CHD6: variants seen among roughly 807,000 people sequenced by gnomAD.
CHD6 encodes chromodomain helicase DNA binding protein 6.
Under a neutral mutation model 276.9 loss-of-function variants are expected in CHD6, and 50 were observed. The ratio of observed to expected loss-of-function variants is 0.18; its 90% CI spans 0.14 to 0.23. The LOEUF (loss-of-function observed/expected upper bound fraction) is 0.23. CHD6 is among the 10% of genes least tolerant of loss of function. The pLI is 1.00. For synonymous variants in CHD6, 1,173 were observed against 1,229.3 expected (o/e 0.95, Z 0.96); for missense variants, 2,564 against 3,365.8 (o/e 0.76, Z 5.89).
At chr20:41,581,559 C>T (rs1402738635) in intron 1 of CHD6, among the ~76,000 whole-genome samples, 1 of 151,800 alleles carries the variant, frequency 6.6e-6, no homozygotes, top group Non-Finnish European at 1.5e-5. Flanking sequence ...CCTATAGTCC[C>T]AGCTACTCAG....
chr20:41,558,261 A>G (rs1484994276), intron 1 of CHD6, among the ~76,000 whole-genome samples: 1 of 152,202 alleles, frequency 6.6e-6, no homozygotes, highest in East Asian at 1.9e-4. Context: ...AGTACCAGAA[A>G]GCAGTTTGGA....
intron 5 of CHD6, among the ~76,000 whole-genome samples, chr20:41,504,020 G>A (rs2043906400): frequency 7.4e-6 from 1 of 135,730 alleles, no homozygotes; most frequent in Non-Finnish European, 1.5e-5. Context: ...AGAGGTTGCA[G>A]TGAGCTGAGA....
chr20:41,466,219 AAC>A (rs1213168412), intron 17 of CHD6, among the ~76,000 whole-genome samples: 2 of 152,094 alleles, frequency 1.3e-5, no homozygotes, highest in Admixed American at 6.6e-5. Flanking sequence ...CAAAAACAAA[AAC>A]ACACACAGTT....
intron 2 of CHD6, among the ~76,000 whole-genome samples, chr20:41,536,681 A>AGTTT (rs2044838876): frequency 6.6e-6 from 1 of 152,224 alleles, no homozygotes; most frequent in African/African-American, 2.4e-5. Flanking sequence ...TCAGGCAACA[A>AGTTT]AAACCATTAA....
At chr20:41,578,035 G>GA (rs1192766556) in intron 1 of CHD6, among the ~76,000 whole-genome samples, 1 of 152,192 alleles carries the variant, frequency 6.6e-6, no homozygotes, top group Non-Finnish European at 1.5e-5. Flanking sequence ...CTAGGTTATA[G>GA]AAAAAATACG....
chr20:41,542,361 T>C (rs866684385), intron 2 of CHD6, among the ~76,000 whole-genome samples: 1 of 152,184 alleles, frequency 6.6e-6, no homozygotes, highest in Non-Finnish European at 1.5e-5. Flanking sequence ...CTCCTACCCC[T>C]GCCACATAAT....
chr20:41,534,880 A>G (rs2044791117), intron 2 of CHD6, among the ~76,000 whole-genome samples: 1 of 152,206 alleles, frequency 6.6e-6, no homozygotes, highest in Admixed American at 6.5e-5. Context: ...TTAATGGGAT[A>G]CAAGGCAAGA....
intron 6 of CHD6, among the ~76,000 whole-genome samples, chr20:41,498,779 GTGTA>G (rs755113036): frequency 0.063 from 9,103 of 145,414 alleles, 386 homozygotes; most frequent in Non-Finnish European, 0.092. Flanking sequence ...GTGTGTATGT[GTGTA>G]TGTATGTATG....
At position 41,533,419 on chromosome 20, in the gene CHD6, T is replaced by A; in HGVS notation, c.185A>T (p.Tyr62Phe). 1 of 1,614,196 alleles carries A rather than the reference T, an allele frequency of 6.2e-7. No individual in the cohort carries two copies. The highest frequency in any genetic ancestry group is 8.5e-7 in the Non-Finnish European group (1 of 1,180,032). The change falls in exon 3 of 37, where the codon TAT becomes TTT. Residue 62 changes from tyrosine (Y) to phenylalanine (F), a missense_variant. By Grantham distance (22) the Tyr-to-Phe change is conservative (BLOSUM62 3). This residue lies in a region of CHD6 where 286 missense variants were observed against 297.8 expected (regional missense o/e 0.96). Transcript: ENST00000373233. The part of the protein sequence containing the change: ...ASHCLPQKDL[Y>F]TAEEEAATLF... The stretch of plus-strand genomic sequence containing the variant: ...GGTAGCAGCTTCCTCTTCAGCAGTA[T>A]ACAGGTCCTTCTGAGGCAGACAGTG...
chr20:41,558,006 T>C (rs1024177943), intron 1 of CHD6, among the ~76,000 whole-genome samples: 5 of 152,218 alleles, frequency 3.3e-5, no homozygotes, highest in Admixed American at 6.5e-5. Context: ...GAGTAACTCA[T>C]CTGGGAAGAG....
chr20:41,506,137 TCACC>T (rs1432800611), intron 5 of CHD6, among the ~76,000 whole-genome samples: 1 of 152,180 alleles, frequency 6.6e-6, no homozygotes, highest in African/African-American at 2.4e-5. Flanking sequence ...CCTTCATTTC[TCACC>T]CAGATTATTC....
chr20:41,520,775 C>G (rs2044373418), intron 3 of CHD6, among the ~76,000 whole-genome samples: 2 of 151,852 alleles, frequency 1.3e-5, no homozygotes, highest in African/African-American at 4.8e-5. Context: ...ACATATGTAA[C>G]TAACCTGCAT....
intron 1 of CHD6, among the ~76,000 whole-genome samples, chr20:41,574,121 A>G (rs2045447372): frequency 6.8e-6 from 1 of 147,602 alleles, no homozygotes; most frequent in Non-Finnish European, 1.5e-5. Flanking sequence ...TGAAAAGGGA[A>G]AGAGGAAGAG....
intron 18 of CHD6, 151 bp downstream of exon 18, chr20:41,457,113 G>T (rs1354937324): frequency 3.6e-6 from 3 of 822,330 alleles, no homozygotes; most frequent in Non-Finnish European, 3.6e-6. Context: ...GACTCTTAAC[G>T]ATGCCCTGTT....
At chr20:41,437,426 TAA>T in intron 26 of CHD6, 92 bp from the exon 27 acceptor site, 1 of 778,254 alleles carries the variant, frequency 1.3e-6, no homozygotes, top group South Asian at 1.8e-5. Flanking sequence ...CCAAAAATAC[TAA>T]GATATTTTGG....
chr20:41,488,310 G>T (rs1023339737), intron 13 of CHD6, 118 bp downstream of exon 13: 1 of 995,808 alleles, frequency 1.0e-6, no homozygotes, highest in African/African-American at 1.6e-5. Flanking sequence ...GACCAAAAAA[G>T]AAAATCTAAT....
rs1290714911 is a variant in CHD6 at position 41,436,920 on chromosome 20, C to T, written c.4068+354G>A. On this transcript the variant is annotated intron_variant, in intron 27 of 36. Transcript: ENST00000373233. ...CAGCAACAGGATGAATCTTTGTGGTCATGAGAATGTCCTGTATCTTGACTC... is the reference window on the plus strand; with the variant it reads ...CAGCAACAGGATGAATCTTTGTGGTTATGAGAATGTCCTGTATCTTGACTC... Among the ~76,000 whole-genome samples, 3 of 152,152 alleles carry T rather than the reference C, an allele frequency of 2.0e-5. No individual in the cohort carries two copies. In the South Asian group the frequency reaches 6.2e-4, roughly 32 times the overall value.
intron 1 of CHD6, among the ~76,000 whole-genome samples, chr20:41,616,903 C>CTT (rs1291679486): frequency 3.9e-5 from 6 of 152,210 alleles, no homozygotes; most frequent in Middle Eastern, 3.4e-3. Flanking sequence ...GGGACAGACC[C>CTT]CCAATAAGTT....
intron 3 of CHD6, among the ~76,000 whole-genome samples, chr20:41,519,830 T>C (rs2044343033): frequency 1.3e-5 from 2 of 152,170 alleles, no homozygotes; most frequent in African/African-American, 4.8e-5. Context: ...AAATGGGATC[T>C]AATTAAACTA....
Sources: gnomAD v4.1 joint callset for allele counts (sites outside exome capture counted in the v4.1 genomes callset) on GRCh38, gnomAD v4.1.1 for gene constraint, gnomAD v4.1.1 regional missense constraint, MANE v1.5 for transcripts, NCBI Gene and HGNC (gene_info 2026-07-23, HGNC 2026-07-21) for gene names.